The following UVRAG variants were observed in gnomAD, a reference collection of about 807,000 sequenced individuals.
UVRAG encodes UV radiation resistance associated.
A neutral mutation model predicts 78.0 loss-of-function variants in UVRAG; 19 were observed. That is an observed-to-expected ratio of 0.24 (90% CI 0.17 to 0.36). The LOEUF is 0.36. Ranked by LOEUF, UVRAG falls within the 10% of genes least tolerant of loss-of-function variation. The pLI, the probability that UVRAG is intolerant of heterozygous loss-of-function variation, is 1.00. For missense variants in UVRAG, 740 were observed against 853.8 expected, an observed-to-expected ratio of 0.87 and a Z score of 1.66; for synonymous variants, 323 against 324.6, an observed-to-expected ratio of 1.00 and a Z score of 0.05.
chr11:75,912,553 T>C (rs1343107062), intron 6 of UVRAG, among the ~76,000 whole-genome samples: 1 of 152,240 alleles, frequency 6.6e-6, no homozygotes, highest in Non-Finnish European at 1.5e-5. Context: ...TTTGAAAGAT[T>C]TTAAAATCTG....
rs183039230 is a variant in UVRAG at position 76,065,365 on chromosome 11, T to C, written c.1227-345T>C. Among the ~76,000 whole-genome samples the C allele has an allele frequency of 3.6e-3, 545 of 152,302 alleles. 2 individuals are homozygous for C. The highest frequency in any genetic ancestry group is 6.7e-3 in the Non-Finnish European group (453 of 68,022). ...AAGTTGAGATGTCAGGTCCAAGATA[T>C]TAGAGGGAAAAATTTCTGGTATCTT... On this transcript the variant is annotated intron_variant, in intron 12 of 14. Transcript: ENST00000356136.
At chr11:75,951,634 G>A (rs1259121873) in intron 6 of UVRAG, among the ~76,000 whole-genome samples, 1 of 151,986 alleles carries the variant, frequency 6.6e-6, no homozygotes, top group African/African-American at 2.4e-5. Context: ...TGCCCACCTC[G>A]GCCTCTCAAA....
chr11:75,959,229 T>A (rs1479778090), intron 6 of UVRAG, among the ~76,000 whole-genome samples: 1 of 152,240 alleles, frequency 6.6e-6, no homozygotes, highest in Non-Finnish European at 1.5e-5. Context: ...AGGCATTGAC[T>A]TCTCCTCTCT....
chr11:75,939,505 T>C (rs1023120218), intron 6 of UVRAG, among the ~76,000 whole-genome samples: 2 of 152,186 alleles, frequency 1.3e-5, no homozygotes, highest in African/African-American at 4.8e-5. Context: ...GTTGAATGTC[T>C]TTTTCACTAT....
At chr11:75,867,573 T>C (rs1946563613) in intron 3 of UVRAG, among the ~76,000 whole-genome samples, 1 of 152,252 alleles carries the variant, frequency 6.6e-6, no homozygotes, top group Non-Finnish European at 1.5e-5. Context: ...CTAACATAAA[T>C]AGTGCTGCTA....
At chr11:75,974,229 T>G (rs1184628462) in intron 7 of UVRAG, among the ~76,000 whole-genome samples, 3 of 152,216 alleles carry the variant, frequency 2.0e-5, no homozygotes, top group Non-Finnish European at 4.4e-5. Context: ...TTTCCTGACT[T>G]TTTAATGATC....
intron 1 of UVRAG, among the ~76,000 whole-genome samples, chr11:75,849,802 G>A (rs544345486): frequency 4.6e-5 from 7 of 152,338 alleles, no homozygotes; most frequent in Admixed American, 1.3e-4. Context: ...TACTGGTAGC[G>A]GGTCTTGACT....
intron 12 of UVRAG, among the ~76,000 whole-genome samples, chr11:76,045,838 T>G (rs1327836979): frequency 6.6e-6 from 1 of 151,940 alleles, no homozygotes; most frequent in East Asian, 1.9e-4. Context: ...AGGTAGGAAG[T>G]TATCCAACAA....
intron 13 of UVRAG, among the ~76,000 whole-genome samples, chr11:76,098,683 A>G (rs1025719102): frequency 2.0e-5 from 3 of 152,188 alleles, no homozygotes; most frequent in Admixed American, 6.6e-5. Flanking sequence ...AAAGATGAAT[A>G]GCACAAAGAG....
At chr11:75,979,351 C>G (rs1949336613) in intron 7 of UVRAG, among the ~76,000 whole-genome samples, 1 of 152,218 alleles carries the variant, frequency 6.6e-6, no homozygotes, top group South Asian at 2.1e-4. Flanking sequence ...GCAGTCTGTC[C>G]GTTCCCATAT....
intron 1 of UVRAG, among the ~76,000 whole-genome samples, chr11:75,822,589 G>A (rs1483368047): frequency 6.6e-6 from 1 of 151,654 alleles, no homozygotes; most frequent in African/African-American, 2.4e-5. Context: ...GGGTTCCTAT[G>A]TTCCCCTCCT....
At chr11:76,136,733 A>C (rs1362690551) in intron 14 of UVRAG, among the ~76,000 whole-genome samples, 5 of 152,164 alleles carry the variant, frequency 3.3e-5, no homozygotes, top group African/African-American at 1.2e-4. Context: ...CCTGGGTTCA[A>C]GCAGTCCTCC....
chr11:76,009,756 G>C (rs1950016966), intron 11 of UVRAG, among the ~76,000 whole-genome samples: 1 of 152,148 alleles, frequency 6.6e-6, no homozygotes, highest in Non-Finnish European at 1.5e-5. Context: ...GATAAACCAG[G>C]AGTTGGAAAA....
intron 6 of UVRAG, among the ~76,000 whole-genome samples, chr11:75,949,712 T>TACACACACAC (rs1216546112): frequency 1.8e-4 from 26 of 145,232 alleles, no homozygotes; most frequent in African/African-American, 6.9e-4. Context: ...TATATATATA[T>TACACACACAC]ATACACACAC....
intron 7 of UVRAG, among the ~76,000 whole-genome samples, chr11:75,978,849 A>C (rs1426463472): frequency 6.6e-6 from 1 of 152,094 alleles, no homozygotes; most frequent in African/African-American, 2.4e-5. Context: ...GTTATTACCG[A>C]TCTTCTGAAT....
chr11:76,113,408 C>A (rs193150719), intron 13 of UVRAG, among the ~76,000 whole-genome samples: 16 of 151,800 alleles, frequency 1.1e-4, no homozygotes, highest in African/African-American at 2.9e-4. Context: ...TAGATGATGT[C>A]TCTAACTGGA....
intron 1 of UVRAG, among the ~76,000 whole-genome samples, chr11:75,834,435 G>T (rs1208574966): frequency 3.3e-5 from 5 of 152,102 alleles, no homozygotes; most frequent in African/African-American, 9.7e-5. Context: ...CCCGGTCAAG[G>T]TGTCGTCTGA....
intron 12 of UVRAG, among the ~76,000 whole-genome samples, chr11:76,021,523 CTCTTA>C (rs1428832964): frequency 6.6e-6 from 1 of 151,518 alleles, no homozygotes; most frequent in South Asian, 2.1e-4. Flanking sequence ...TGTATCTCTG[CTCTTA>C]TCTTTATTAT....
rs377026589 is a variant in UVRAG at position 75,838,390 on chromosome 11, T to C, written c.118-13493T>C. The stretch of plus-strand genomic sequence containing the variant: ...TCTTACCCTGCTGCCCAGGCTGGAG[T>C]GCAGTGGCTTGATCATGGCTCACTG... On this transcript the variant is annotated intron_variant, in intron 1 of 14. Coordinates refer to ENST00000356136, the MANE Select transcript of UVRAG (RefSeq NM_003369.4). Among the ~76,000 whole-genome samples, 7 of 152,214 alleles carry C rather than the reference T, an allele frequency of 4.6e-5. No individual in the cohort carries two copies. The South Asian group carries it at 8.3e-4, about 18-fold the overall frequency.
Sources: gnomAD v4.1 joint callset for allele counts (sites outside exome capture counted in the v4.1 genomes callset) on GRCh38, gnomAD v4.1.1 for gene constraint, MANE v1.5 for transcripts, NCBI Gene and HGNC (gene_info 2026-07-23, HGNC 2026-07-21) for gene names.